Variants in CBX1 observed in about 807,000 individuals in gnomAD.
CBX1 encodes chromobox protein homolog 1.
CBX1 carries 10 observed loss-of-function variants against 25.1 expected under a neutral mutation model. The ratio of observed to expected loss-of-function variants is 0.40; its 90% CI spans 0.25 to 0.68. CBX1 has a LOEUF of 0.68. Ranked by LOEUF, CBX1 falls within the 30% of genes least tolerant of loss-of-function variation. CBX1 has a pLI of 0.40. For synonymous variants in CBX1, 63 were observed against 79.4 expected, an observed-to-expected ratio of 0.79 and a Z score of 1.10; for missense variants, 106 against 218.5, an observed-to-expected ratio of 0.49 and a Z score of 3.25.
chr17:48,070,171 G>C lies in CBX1; in HGVS notation c.*1264C>G, dbSNP rs1009327792. On this transcript the variant is annotated 3_prime_UTR_variant, in exon 5 of 5. Coordinates refer to ENST00000225603, the MANE Select transcript of CBX1 (RefSeq NM_001127228.2). ...ATGCCTAAAAGAATTTTACAACGTA[G>C]CTCTAGATGCAAGTCTAGACAATAT... The C allele has an allele frequency of 1.3e-5, 2 of 152,614 alleles. No homozygotes were observed. Among genetic ancestry groups the C allele is most frequent in the African/African-American group, 4.8e-5 (2 of 41,442 alleles). 9.5% of individuals were successfully genotyped at this position (152,614 alleles called of 1,614,324 possible).
chr17:48,071,449 CTTTT>C lies in CBX1; in HGVS notation c.540_543del (p.Lys181MetfsTer30). ...ACTCAGGAGCGTTAGTTCTTGTCAT[CTTTT>C]TTGTCATCATCCTCCGAGGGGTAGG... On this transcript the variant is annotated frameshift_variant, in exon 5 of 5. Transcript: ENST00000225603. LOFTEE classifies it high-confidence loss of function. The C allele has an allele frequency of 6.2e-7, 1 of 1,610,434 alleles. No homozygotes were observed. The highest frequency in any genetic ancestry group is 2.2e-5 in the East Asian group (1 of 44,840).
At chr17:48,088,481 T>C (rs1278704398) in intron 1 of CBX1, among the ~76,000 whole-genome samples, 1 of 151,838 alleles carries the variant, frequency 6.6e-6, no homozygotes, top group Non-Finnish European at 1.5e-5. Context: ...TAGCCGGGCG[T>C]GGTGGCGCAT....
At chr17:48,080,971 T>A (rs867341757) in intron 1 of CBX1, among the ~76,000 whole-genome samples, 112 of 77,228 alleles carry the variant, frequency 1.5e-3, no homozygotes, top group Non-Finnish European at 2.3e-3. Context: ...TATATATATA[T>A]ATATATATAT....
rs1443403733 is a variant in CBX1 at position 48,101,441 on chromosome 17, A to T, written c.-211T>A. The T allele has an allele frequency of 1.0e-6, 1 of 985,494 alleles. No homozygotes were observed. The highest frequency in any genetic ancestry group is 1.2e-6 in the Non-Finnish European group (1 of 830,090). The allele number at this position is 985,494 out of a possible 1,614,324, so 61.0% of individuals were successfully genotyped here. On this transcript the variant is annotated 5_prime_UTR_variant, in exon 1 of 5. Coordinates refer to ENST00000225603, the MANE Select transcript of CBX1 (RefSeq NM_001127228.2). ...GGCCAACGGCCCTCCCCTCAGCCGA[A>T]CAAAAGAGCCTCGCAGTCTGCGCTG...
intron 1 of CBX1, among the ~76,000 whole-genome samples, chr17:48,087,319 G>A (rs2063317915): frequency 6.6e-6 from 1 of 152,028 alleles, no homozygotes; most frequent in Non-Finnish European, 1.5e-5. Context: ...GCTCACGCCT[G>A]TAATCCCACC....
intron 1 of CBX1, among the ~76,000 whole-genome samples, chr17:48,084,202 CTTTTTTTTTTTTTTTTTT>C (rs869263376): frequency 1.6e-5 from 1 of 61,322 alleles, no homozygotes; most frequent in Admixed American, 2.4e-4. Context: ...TCTTTCTTTC[CTTTTTTTTTTTTTTTTTT>C]TTTTTTTTTG....
At chr17:48,078,756 G>A (rs561426512) in intron 1 of CBX1, among the ~76,000 whole-genome samples, 3 of 148,332 alleles carry the variant, frequency 2.0e-5, no homozygotes, top group South Asian at 2.1e-4. Flanking sequence ...CCAAAGTGCT[G>A]GGATTACAAG....
chr17:48,088,647 TCTTA>T (rs761101074), intron 1 of CBX1: 3 of 149,762 alleles, frequency 2.0e-5, no homozygotes, highest in Non-Finnish European at 3.0e-5. Flanking sequence ...AATAAAAATT[TCTTA>T]CTTTTGATTT....
intron 1 of CBX1, among the ~76,000 whole-genome samples, chr17:48,092,015 A>G (rs1598314644): frequency 2.0e-5 from 2 of 101,658 alleles, no homozygotes; most frequent in African/African-American, 8.2e-5. Context: ...TTTGAGATGC[A>G]GTTTCACTCT....
At chr17:48,098,280 C>A (rs1287385375) in intron 1 of CBX1, among the ~76,000 whole-genome samples, 2 of 151,604 alleles carry the variant, frequency 1.3e-5, no homozygotes, top group African/African-American at 2.4e-5. Context: ...AACAAACAAA[C>A]AAAAAGAAAC....
intron 1 of CBX1, among the ~76,000 whole-genome samples, chr17:48,079,411 C>A (rs944411113): frequency 6.6e-6 from 1 of 152,210 alleles, no homozygotes; most frequent in African/African-American, 2.4e-5. Context: ...CAGCCATGTT[C>A]TCTTGTTCTT....
intron 4 of CBX1, among the ~76,000 whole-genome samples, chr17:48,072,245 A>C (rs1014610541): frequency 6.6e-6 from 1 of 152,142 alleles, no homozygotes; most frequent in African/African-American, 2.4e-5. Flanking sequence ...TCCTGACATC[A>C]GGTGATCCAC....
rs928210845 is a variant in CBX1 at position 48,075,017 on chromosome 17, G to A, written c.402C>T (p.Phe134=). 6.2e-7 allele frequency: 1 copy of A among 1,611,708 alleles called. No homozygotes were observed. Among genetic ancestry groups the A allele is most frequent in the Non-Finnish European group, 8.5e-7 (1 of 1,177,820 alleles). ...ACTGGCCGACTCACCATTTCATCAG[G>A]AACATGAGCTCTCCACTGGAGTCTG... The part of the protein sequence containing the change: ...GATDSSGELM[F]LMKWKNSDEA... The change falls in exon 4 of 5, where the codon TTC becomes TTT. Residue 134 remains phenylalanine, a synonymous_variant. Transcript: ENST00000225603.
chr17:48,087,341 C>A (rs763944775), intron 1 of CBX1, among the ~76,000 whole-genome samples: 2 of 151,294 alleles, frequency 1.3e-5, no homozygotes, highest in Non-Finnish European at 2.9e-5. Flanking sequence ...CTTTGGGAGG[C>A]GAGGTGGGTG....
In CBX1 at chr17:48,101,350, C is replaced by G; in HGVS notation, c.-120G>C. ...GTCGGGTCGCCTGGGGGAGTGGCGC[C>G]CAGGAAGGCAGCAAGCCGGGTGGCC... On this transcript the variant is annotated 5_prime_UTR_variant, in exon 1 of 5. Coordinates refer to ENST00000225603, the MANE Select transcript of CBX1 (RefSeq NM_001127228.2). The G allele has an allele frequency of 1.0e-6, 1 of 986,102 alleles. No individual in the cohort carries two copies. Among genetic ancestry groups the G allele is most frequent in the South Asian group, 4.6e-5 (1 of 21,674 alleles). The allele number at this position is 986,102 out of a possible 1,614,324, so 61.1% of individuals were successfully genotyped here.
chr17:48,094,563 T>C (rs1432959757), intron 1 of CBX1, among the ~76,000 whole-genome samples: 1 of 151,542 alleles, frequency 6.6e-6, no homozygotes. Flanking sequence ...AAACCCCGTG[T>C]CTACTAAAAA....
At chr17:48,100,125 G>C (rs1356390391) in intron 1 of CBX1, among the ~76,000 whole-genome samples, 3 of 49,714 alleles carry the variant, frequency 6.0e-5, no homozygotes, top group Non-Finnish European at 9.0e-5. Flanking sequence ...GGCAACAGAG[G>C]AAGACTCTTC....
chr17:48,096,169 A>C (rs898580067), intron 1 of CBX1: 3 of 171,946 alleles, frequency 1.7e-5, no homozygotes, highest in Non-Finnish European at 3.5e-5. Context: ...GTGAGCCATC[A>C]CGCCCAGTCA....
At chr17:48,097,858 A>T (rs2063383799) in intron 1 of CBX1, among the ~76,000 whole-genome samples, 1 of 152,206 alleles carries the variant, frequency 6.6e-6, no homozygotes. Context: ...TCAATTTTTC[A>T]ACAGACATTG....
Sources: allele counts gnomAD v4.1 joint callset (sites outside exome capture counted in the v4.1 genomes callset), GRCh38; gene constraint gnomAD v4.1.1; transcripts MANE v1.5; gene names NCBI Gene and HGNC (gene_info 2026-07-23, HGNC 2026-07-21).